The following TANC1 variants were observed in gnomAD, a reference collection of about 807,000 sequenced individuals.
The protein encoded by TANC1 is tetratricopeptide repeat, ankyrin repeat and coiled-coil containing 1, also known as protein TANC1.
Under a neutral mutation model 149.7 loss-of-function variants are expected in TANC1, and 77 were observed. The observed-to-expected ratio is 0.51, with a 90% CI of 0.43 to 0.62. The LOEUF is 0.62. TANC1 is among the 20% of genes least tolerant of loss of function. The pLI is 0.00. For synonymous variants in TANC1, 854 were observed against 925.0 expected (o/e 0.92, Z 1.39); for missense variants, 1,985 against 2,321.8 (o/e 0.85, Z 2.98).
At position 159,230,963 on chromosome 2, in the gene TANC1, A is replaced by T; in HGVS notation, c.5537A>T (p.His1846Leu). The T allele has an allele frequency of 6.2e-7, 1 of 1,614,048 alleles. No homozygotes were observed. Among genetic ancestry groups the T allele is most frequent in the Non-Finnish European group, 8.5e-7 (1 of 1,180,006 alleles). Residue 1846 changes from histidine to leucine, a missense_variant, in exon 27 of 27, where the codon CAC becomes CTC. Coordinates refer to ENST00000263635, the MANE Select transcript of TANC1 (RefSeq NM_033394.3). The surrounding 1 kb of genome is among the most constrained non-coding windows in gnomAD (Gnocchi z 4.4). Reference sequence around the variant, plus strand: ...ATTAGTAATGAAGCCCACAGGAGCCACCTCACTGCAGCCAAACCAAAGCGA... The same window carrying T: ...ATTAGTAATGAAGCCCACAGGAGCCTCCTCACTGCAGCCAAACCAAAGCGA... ...PHISNEAHRS[H>L]LTAAKPKRSF... is the part of the protein sequence containing the mutation.
chr2:159,072,243 G>C (rs2043219300), intron 3 of TANC1, among the ~76,000 whole-genome samples: 1 of 152,182 alleles, frequency 6.6e-6, no homozygotes, highest in Non-Finnish European at 1.5e-5. Flanking sequence ...CAGCCTCACA[G>C]AGTGCTGGGA....
intron 10 of TANC1, among the ~76,000 whole-genome samples, chr2:159,171,385 A>G (rs1416781341): frequency 1.3e-5 from 2 of 152,182 alleles, no homozygotes; most frequent in East Asian, 3.8e-4. Flanking sequence ...TAATACCAAC[A>G]CTTTGGAAGG....
At chr2:158,992,162 A>G (rs1435203026) in intron 1 of TANC1, among the ~76,000 whole-genome samples, 4 of 152,144 alleles carry the variant, frequency 2.6e-5, no homozygotes, top group Non-Finnish European at 5.9e-5. Flanking sequence ...CAGGAGTTTG[A>G]GACCAGCCTG....
chr2:159,218,638 C>G (rs1238682494), intron 20 of TANC1, among the ~76,000 whole-genome samples: 1 of 152,150 alleles, frequency 6.6e-6, no homozygotes, highest in Non-Finnish European at 1.5e-5. Flanking sequence ...GTCTGGTTTT[C>G]TAGGGTTTTT....
intron 1 of TANC1, among the ~76,000 whole-genome samples, chr2:158,969,002 C>T (rs2032392571): frequency 6.6e-6 from 1 of 152,228 alleles, no homozygotes; most frequent in African/African-American, 2.4e-5. Context: ...GGGCCTTGGT[C>T]TCTCGGCGGC....
intron 5 of TANC1, among the ~76,000 whole-genome samples, chr2:159,145,576 G>A (rs553686795): frequency 8.5e-5 from 13 of 152,306 alleles, no homozygotes; most frequent in South Asian, 4.1e-4. Flanking sequence ...GGTTGTAGAG[G>A]GCACTGATGG....
chr2:159,028,560 CAT>C lies in TANC1; in HGVS notation c.-16+27372_-16+27373del, dbSNP rs2039535523. On this transcript the variant is annotated intron_variant, in intron 2 of 26. Coordinates refer to ENST00000263635, the MANE Select transcript of TANC1 (RefSeq NM_033394.3). ...AAAATTGTGGTTACAAAACAAAACA[CAT>C]GAGATCTAACTCCTAACAAAATTTT... is the stretch of plus-strand genomic sequence containing the variant. Among the ~76,000 whole-genome samples, 3 of 152,188 alleles carry C rather than the reference CAT, an allele frequency of 2.0e-5. No individual in the cohort carries two copies. In the South Asian group the frequency reaches 6.2e-4, roughly 31 times the overall value.
At chr2:158,973,989 A>G (rs2033280435) in intron 1 of TANC1, among the ~76,000 whole-genome samples, 1 of 152,198 alleles carries the variant, frequency 6.6e-6, no homozygotes, top group Admixed American at 6.5e-5. Flanking sequence ...GATAAGTAAC[A>G]TTAATTATTA....
chr2:159,219,261 C>G lies in TANC1; in HGVS notation c.3402C>G (p.Arg1134=), dbSNP rs182262741. The G allele has an allele frequency of 1.2e-6, 2 of 1,614,044 alleles. No homozygotes were observed. Among genetic ancestry groups the G allele is most frequent in the African/African-American group, 2.7e-5 (2 of 74,916 alleles). The change falls in exon 21 of 27, where the codon CGC becomes CGG. Residue 1134 remains arginine, a synonymous_variant. Transcript: ENST00000263635. ...HWQIVRLLLE[R]GCDVNLSDKQ... is the part of the protein sequence containing the mutation. ...AGATTGTTAGACTGCTGTTGGAACG[C>G]GGCTGTGATGTGAACCTAAGTGACA... is the stretch of plus-strand genomic sequence containing the variant.
chr2:159,000,625 C>T (rs564556703), intron 1 of TANC1, among the ~76,000 whole-genome samples: 5 of 151,556 alleles, frequency 3.3e-5, no homozygotes, highest in South Asian at 4.2e-4. Flanking sequence ...ATTGAGGGTG[C>T]GGCAAGGGGG....
chr2:159,095,588 T>A (rs2046019701), intron 3 of TANC1, among the ~76,000 whole-genome samples: 1 of 152,102 alleles, frequency 6.6e-6, no homozygotes, highest in Admixed American at 6.5e-5. Context: ...ATACAAAGAT[T>A]AGCCGGGTGT....
intron 4 of TANC1, among the ~76,000 whole-genome samples, chr2:159,102,075 C>G (rs1314570884): frequency 6.6e-6 from 1 of 152,174 alleles, no homozygotes; most frequent in Non-Finnish European, 1.5e-5. Flanking sequence ...GCCATATTGT[C>G]TCTTTGATTC....
intron 4 of TANC1, among the ~76,000 whole-genome samples, chr2:159,113,289 C>T (rs1366484503): frequency 1.3e-5 from 2 of 152,096 alleles, no homozygotes; most frequent in Non-Finnish European, 2.9e-5. Flanking sequence ...AGTATATTGT[C>T]CCTTTTACTG....
chr2:158,986,425 C>T (rs965282968), intron 1 of TANC1, among the ~76,000 whole-genome samples: 2 of 152,190 alleles, frequency 1.3e-5, no homozygotes, highest in African/African-American at 4.8e-5. Context: ...CCTGTGGAAA[C>T]TCTTTTAAGC....
chr2:159,025,219 T>TTCTTTCTTTC (rs2039208078), intron 2 of TANC1, among the ~76,000 whole-genome samples: 1 of 150,044 alleles, frequency 6.7e-6, no homozygotes, highest in Non-Finnish European at 1.5e-5. Flanking sequence ...CTTTCTTTCT[T>TTCTTTCTTTC]TCTTTCTTTC....
chr2:159,105,338 C>T (rs2047074328), intron 4 of TANC1, among the ~76,000 whole-genome samples: 1 of 152,072 alleles, frequency 6.6e-6, no homozygotes, highest in Non-Finnish European at 1.5e-5. Context: ...AATTTGTTTT[C>T]GCTATTCCTG....
At chr2:159,126,397 A>G (rs939310409) in intron 4 of TANC1, among the ~76,000 whole-genome samples, 1 of 152,152 alleles carries the variant, frequency 6.6e-6, no homozygotes, top group African/African-American at 2.4e-5. Context: ...GGCCTGCTAG[A>G]TTTTTATATT....
At chr2:159,189,009 T>G (rs992378872) in intron 16 of TANC1, among the ~76,000 whole-genome samples, 1 of 152,230 alleles carries the variant, frequency 6.6e-6, no homozygotes, top group African/African-American at 2.4e-5. Flanking sequence ...GTGACCATCA[T>G]TAGCTTTGTG....
intron 5 of TANC1, among the ~76,000 whole-genome samples, chr2:159,140,559 C>CT (rs2051246055): frequency 6.6e-6 from 1 of 152,030 alleles, no homozygotes; most frequent in Non-Finnish European, 1.5e-5. Context: ...TGGGTCCTGT[C>CT]TTTATGGAGC....
Sources: gnomAD v4.1 joint callset for allele counts (sites outside exome capture counted in the v4.1 genomes callset) on GRCh38, gnomAD v4.1.1 for gene constraint, Gnocchi (gnomAD v3.1) non-coding constraint, MANE v1.5 for transcripts, NCBI Gene and HGNC (gene_info 2026-07-23, HGNC 2026-07-21) for gene names.